Variants in GALNT13 observed in about 807,000 individuals in gnomAD.
GALNT13 encodes polypeptide N-acetylgalactosaminyltransferase 13, also known as UDP-GalNAc:polypeptide N-acetylgalactosaminyltransferase 13.
A neutral mutation model predicts 64.2 loss-of-function variants in GALNT13; 28 were observed. The ratio of observed to expected loss-of-function variants is 0.44; its 90% CI spans 0.32 to 0.60. The LOEUF (loss-of-function observed/expected upper bound fraction) is 0.60. Ranked by LOEUF, GALNT13 falls within the 20% of genes least tolerant of loss-of-function variation. The pLI, the probability that GALNT13 is intolerant of heterozygous loss-of-function variation, is 0.05. For synonymous variants in GALNT13, 214 were observed against 224.6 expected (o/e 0.95, Z 0.42); for missense variants, 577 against 669.8 (o/e 0.86, Z 1.53).
chr2:154,057,619 T>C (rs1699961612), intron 3 of GALNT13, among the ~76,000 whole-genome samples: 1 of 152,104 alleles, frequency 6.6e-6, no homozygotes, highest in Non-Finnish European at 1.5e-5. Context: ...AGAAGTAGGA[T>C]CACATAATCC....
At chr2:153,192,026 A>G in the GALNT13 span, among the ~76,000 whole-genome samples, 1 of 151,128 alleles carries the variant, frequency 6.6e-6, no homozygotes, top group African/African-American at 2.4e-5. Flanking sequence ...GATCTTTTGT[A>G]TTTTTTGTCT....
intron 11 of GALNT13, among the ~76,000 whole-genome samples, chr2:154,438,062 A>G (rs1701082569): frequency 1.3e-5 from 2 of 152,126 alleles, no homozygotes; most frequent in Admixed American, 1.3e-4. Flanking sequence ...ATAAGTGTAG[A>G]GCCTACCTTT....
the GALNT13 span, among the ~76,000 whole-genome samples, chr2:153,199,134 G>C: frequency 6.6e-6 from 1 of 152,166 alleles, no homozygotes; most frequent in Non-Finnish European, 1.5e-5. Context: ...CAGGTTTCTT[G>C]GGTCGGCCCT....
At chr2:153,839,810 A>T in the GALNT13 span, among the ~76,000 whole-genome samples, 3 of 151,874 alleles carry the variant, frequency 2.0e-5, no homozygotes, top group African/African-American at 7.2e-5. Context: ...ACCACTGTGG[A>T]GACATTGTGT....
At position 154,032,178 on chromosome 2, in the gene GALNT13, A is replaced by G. The variant is rs542744561; in HGVS notation, c.142+87539A>G. 2.0e-5 allele frequency among the ~76,000 whole-genome samples: 3 copies of G among 152,058 alleles called. No individual in the cohort carries two copies. In the East Asian group the frequency reaches 5.8e-4, roughly 29 times the overall value. On this transcript the variant is annotated intron_variant, in intron 3 of 12. Coordinates refer to ENST00000392825, the MANE Select transcript of GALNT13 (RefSeq NM_052917.4). ...TAATCAAGAGAATGAATGAAATTAA[A>G]AGCTGGTATTTGAAAAAAGGCATTA...
chr2:154,208,624 CTGTGTGTGTGTGTGTGTGTG>C (rs57789546), intron 4 of GALNT13, among the ~76,000 whole-genome samples: 7 of 140,364 alleles, frequency 5.0e-5, no homozygotes, highest in Admixed American at 1.4e-4. Flanking sequence ...TTTTGCGTGT[CTGTGTGTGTGTGTGTGTGTG>C]TGTGTGTGTG....
the GALNT13 span, among the ~76,000 whole-genome samples, chr2:153,823,374 T>A: frequency 6.6e-6 from 1 of 152,186 alleles, no homozygotes; most frequent in Non-Finnish European, 1.5e-5. Context: ...CTTCAAGCTA[T>A]GCTACAAGGC....
chr2:153,093,558 G>A, the GALNT13 span, among the ~76,000 whole-genome samples: 1 of 152,064 alleles, frequency 6.6e-6, no homozygotes, highest in South Asian at 2.1e-4. Context: ...TCTTTCTAAT[G>A]TATTGTTGAA....
chr2:153,650,201 C>G, the GALNT13 span, among the ~76,000 whole-genome samples: 1 of 152,114 alleles, frequency 6.6e-6, no homozygotes, highest in South Asian at 2.1e-4. Context: ...TTGAATTGAT[C>G]CCTTTCCCAT....
chr2:154,217,002 A>G (rs1688084367), intron 4 of GALNT13, among the ~76,000 whole-genome samples: 1 of 150,894 alleles, frequency 6.6e-6, no homozygotes, highest in African/African-American at 2.4e-5. Context: ...TGTGTTGCCC[A>G]GGCTTGTCTC....
chr2:154,015,017 GAAAAATAAAAC>G (rs1304647981), intron 3 of GALNT13, among the ~76,000 whole-genome samples: 1 of 151,936 alleles, frequency 6.6e-6, no homozygotes, highest in African/African-American at 2.4e-5. Flanking sequence ...ACATTGAATA[GAAAAATAAAAC>G]AAAACATGCA....
At chr2:154,133,762 G>A (rs1479882826) in intron 3 of GALNT13, among the ~76,000 whole-genome samples, 32 of 151,430 alleles carry the variant, frequency 2.1e-4, no homozygotes, top group Admixed American at 2.1e-3. Flanking sequence ...ATGCTTCGGG[G>A]AGTTTCATAG....
At chr2:153,635,772 CT>C in the GALNT13 span, among the ~76,000 whole-genome samples, 1 of 152,154 alleles carries the variant, frequency 6.6e-6, no homozygotes, top group East Asian at 1.9e-4. Flanking sequence ...TGTGGTTTCC[CT>C]GTAGCATAAG....
the GALNT13 span, among the ~76,000 whole-genome samples, chr2:153,168,758 CTT>C: frequency 3.9e-5 from 6 of 152,202 alleles, no homozygotes; most frequent in African/African-American, 1.4e-4. Context: ...GATTAATAAA[CTT>C]AACGTACTCT....
intron 1 of GALNT13, among the ~76,000 whole-genome samples, chr2:153,883,654 G>T (rs926035366): frequency 1.5e-4 from 23 of 152,164 alleles, no homozygotes; most frequent in Admixed American, 1.1e-3. Flanking sequence ...TTAGTATAAA[G>T]AAATGGAGGG....
intron 9 of GALNT13, among the ~76,000 whole-genome samples, chr2:154,319,768 T>G (rs1223451646): frequency 6.6e-6 from 1 of 152,200 alleles, no homozygotes; most frequent in Non-Finnish European, 1.5e-5. Context: ...GAGCATTAGT[T>G]GAACAATAAG....
the GALNT13 span, among the ~76,000 whole-genome samples, chr2:153,111,424 T>G: frequency 6.6e-6 from 1 of 152,114 alleles, no homozygotes; most frequent in African/African-American, 2.4e-5. Flanking sequence ...GTAAGCCAGT[T>G]TTTTTCACTG....
At chr2:153,764,479 T>A in the GALNT13 span, among the ~76,000 whole-genome samples, 1 of 152,188 alleles carries the variant, frequency 6.6e-6, no homozygotes, top group East Asian at 1.9e-4. Context: ...GAGGTTGCAG[T>A]GAGCCAAGAT....
intron 4 of GALNT13, among the ~76,000 whole-genome samples, chr2:154,197,715 T>C (rs544153620): frequency 5.5e-5 from 8 of 146,300 alleles, no homozygotes; most frequent in East Asian, 2.0e-4. Context: ...CATCTATTCA[T>C]TGGACAGCAT....
Sources: allele counts gnomAD v4.1 joint callset (sites outside exome capture counted in the v4.1 genomes callset), GRCh38; gene constraint gnomAD v4.1.1; transcripts MANE v1.5; gene names NCBI Gene and HGNC (gene_info 2026-07-23, HGNC 2026-07-21).